Variants in NRG3 observed in about 807,000 individuals in gnomAD.
NRG3 encodes the protein neuregulin 3, also known as pro-neuregulin-3, membrane-bound isoform.
In NRG3, 31 loss-of-function variants were observed where a neutral mutation model predicts 66.9. The observed-to-expected ratio is 0.46, with a 90% CI of 0.35 to 0.63. NRG3 has a LOEUF of 0.63. Among genes scored for constraint, NRG3 ranks in the 20% least tolerant of loss-of-function variants. NRG3 has a pLI of 0.00. For synonymous variants in NRG3, 393 were observed against 359.4 expected (o/e 1.09, Z -1.06); for missense variants, 910 against 878.9 (o/e 1.04, Z -0.45).
chr10:82,893,902 G>GA (rs1456780483), intron 4 of NRG3, among the ~76,000 whole-genome samples: 2 of 151,944 alleles, frequency 1.3e-5, no homozygotes, highest in Non-Finnish European at 2.9e-5. Flanking sequence ...AGAATAGAAG[G>GA]AAAAAATGAA....
chr10:82,218,011 TTTA>T (rs753065003), intron 1 of NRG3, among the ~76,000 whole-genome samples: 10 of 152,206 alleles, frequency 6.6e-5, no homozygotes, highest in African/African-American at 1.9e-4. Context: ...TCCTAGATAA[TTTA>T]TTTCAACATT....
At chr10:82,415,047 A>G (rs1052990636) in intron 2 of NRG3, among the ~76,000 whole-genome samples, 1 of 152,194 alleles carries the variant, frequency 6.6e-6, no homozygotes, top group African/African-American at 2.4e-5. Context: ...CAAAACTACT[A>G]TTTCACCAAA....
intron 1 of NRG3, among the ~76,000 whole-genome samples, chr10:82,147,146 G>A (rs1043867172): frequency 6.6e-6 from 1 of 152,172 alleles, no homozygotes; most frequent in African/African-American, 2.4e-5. Flanking sequence ...CAGATACCAA[G>A]AGTCACTTAC....
chr10:82,444,933 C>T (rs139645992), intron 2 of NRG3, among the ~76,000 whole-genome samples: 518 of 152,122 alleles, frequency 3.4e-3, no homozygotes, highest in African/African-American at 0.011. Flanking sequence ...TCTGAATGCA[C>T]GTAACATGTG....
At chr10:82,809,966 G>T (rs1302031810) in intron 3 of NRG3, among the ~76,000 whole-genome samples, 13 of 149,892 alleles carry the variant, frequency 8.7e-5, no homozygotes, top group Non-Finnish European at 1.5e-4. Context: ...ATAACTTGTT[G>T]ATTTTTATAT....
chr10:82,315,608 G>C (rs2135049495), intron 1 of NRG3, among the ~76,000 whole-genome samples: 1 of 151,732 alleles, frequency 6.6e-6, no homozygotes, highest in Middle Eastern at 3.4e-3. Context: ...AAAACTGTAT[G>C]ATTATTATCT....
At chr10:82,488,271 T>G (rs933887956) in intron 2 of NRG3, among the ~76,000 whole-genome samples, 2 of 152,162 alleles carry the variant, frequency 1.3e-5, no homozygotes, top group Non-Finnish European at 2.9e-5. Context: ...TCATTTACTC[T>G]TCACAGCCAT....
chr10:82,633,160 T>C (rs2049959753), intron 2 of NRG3, among the ~76,000 whole-genome samples: 1 of 152,212 alleles, frequency 6.6e-6, no homozygotes, highest in East Asian at 1.9e-4. Flanking sequence ...ATGAAAATTG[T>C]TTTCCAGAAA....
Position 82,913,722 on chromosome 10 carries a change from C to T in NRG3, c.1055-37747C>T, listed in dbSNP as rs572704047. On this transcript the variant is annotated intron_variant, in intron 4 of 8. Transcript: ENST00000372141. ...TTTTCCCTTCCCACCATTGCACATT[C>T]CCAGTCTCTTTTCAGGATTTTGTTT... 3.5e-4 allele frequency among the ~76,000 whole-genome samples: 53 copies of T among 152,266 alleles called. 2 individuals are homozygous for T. The South Asian group carries it at 0.01, about 30-fold the overall frequency.
At chr10:82,192,214 C>A (rs555776848) in intron 1 of NRG3, among the ~76,000 whole-genome samples, 2 of 152,258 alleles carry the variant, frequency 1.3e-5, no homozygotes, top group Middle Eastern at 3.4e-3. Context: ...AAAACGCTAA[C>A]AATTGCAATT....
intron 2 of NRG3, among the ~76,000 whole-genome samples, chr10:82,461,397 G>A (rs1197090871): frequency 6.6e-6 from 1 of 152,024 alleles, no homozygotes; most frequent in East Asian, 1.9e-4. Flanking sequence ...CACTTCCACT[G>A]TGTGTCAAGC....
At chr10:82,422,067 G>A (rs1458429619) in intron 2 of NRG3, among the ~76,000 whole-genome samples, 1 of 152,080 alleles carries the variant, frequency 6.6e-6, no homozygotes, top group Non-Finnish European at 1.5e-5. Flanking sequence ...TTAAGCAACA[G>A]TGATACAGAG....
chr10:82,461,929 G>A (rs1025948211), intron 2 of NRG3, among the ~76,000 whole-genome samples: 8 of 152,200 alleles, frequency 5.3e-5, no homozygotes, highest in East Asian at 3.9e-4. Context: ...TCTGGAGTTC[G>A]AGACCAGCCT....
At chr10:82,694,194 T>C (rs1386662870) in intron 2 of NRG3, among the ~76,000 whole-genome samples, 1 of 152,030 alleles carries the variant, frequency 6.6e-6, no homozygotes, top group Non-Finnish European at 1.5e-5. Flanking sequence ...TGCTGATTGG[T>C]GCATTTAGAA....
At chr10:82,903,371 A>G (rs993500097) in intron 4 of NRG3, among the ~76,000 whole-genome samples, 1 of 152,118 alleles carries the variant, frequency 6.6e-6, no homozygotes, top group Non-Finnish European at 1.5e-5. Flanking sequence ...CTGTTCTTAT[A>G]TATTTTTCAT....
At chr10:81,929,136 T>G (rs4933812) in intron 1 of NRG3, among the ~76,000 whole-genome samples, 76,367 of 151,890 alleles carry the variant, frequency 0.5, 22,763 homozygotes, top group East Asian at 0.81. Flanking sequence ...AGTCACTTTT[T>G]TTTAAATTGA....
At chr10:81,906,481 A>G (rs771559979) in intron 1 of NRG3, among the ~76,000 whole-genome samples, 1 of 152,192 alleles carries the variant, frequency 6.6e-6, no homozygotes, top group Non-Finnish European at 1.5e-5. Context: ...CCAAGAAACT[A>G]TCTGCAGGGC....
chr10:82,530,758 T>G (rs973220352), intron 2 of NRG3, among the ~76,000 whole-genome samples: 3 of 151,938 alleles, frequency 2.0e-5, no homozygotes, highest in African/African-American at 7.2e-5. Context: ...GAATTCCATT[T>G]TGGCATTTTA....
At chr10:81,935,660 A>G (rs992694403) in intron 1 of NRG3, among the ~76,000 whole-genome samples, 3 of 152,080 alleles carry the variant, frequency 2.0e-5, no homozygotes, top group African/African-American at 7.2e-5. Context: ...TGACAGAAGG[A>G]TTGAGCACTT....
Sources: allele counts gnomAD v4.1 joint callset (sites outside exome capture counted in the v4.1 genomes callset), GRCh38; gene constraint gnomAD v4.1.1; transcripts MANE v1.5; gene names NCBI Gene and HGNC (gene_info 2026-07-23, HGNC 2026-07-21).